SGSM2: variants seen among roughly 807,000 people sequenced by gnomAD.
The protein encoded by SGSM2 is small G protein signaling modulator 2.
Under a neutral mutation model 126.6 loss-of-function variants are expected in SGSM2, and 89 were observed. The ratio of observed to expected loss-of-function variants is 0.70; its 90% CI spans 0.59 to 0.84. SGSM2 has a LOEUF of 0.84. Ranked by LOEUF, SGSM2 falls within the 40% of genes least tolerant of loss-of-function variation. SGSM2 has a pLI of 0.00. For synonymous variants in SGSM2, 614 were observed against 574.3 expected (o/e 1.07, Z -0.99); for missense variants, 1,404 against 1,416.6 (o/e 0.99, Z 0.14).
intron 23 of SGSM2, 49 bp from the exon 24 acceptor site, chr17:2,379,383 T>C: frequency 1.9e-6 from 3 of 1,584,746 alleles, no homozygotes; most frequent in Non-Finnish European, 2.6e-6. Flanking sequence ...CCTCCTAGCC[T>C]GCTGCCCTTT....
At chr17:2,377,698 C>T (rs566973174) in intron 21 of SGSM2, 159 bp from the exon 22 acceptor site, 9 of 531,490 alleles carry the variant, frequency 1.7e-5, no homozygotes, top group Admixed American at 1.7e-4. Context: ...CAAGGAGATC[C>T]GAGGGGGAGA....
rs1346097422 is a variant in SGSM2 at position 2,372,973 on chromosome 17, G to A, written c.1809G>A (p.Leu603=). Residue 603 remains leucine, a synonymous_variant, in exon 16 of 24, where the codon CTG becomes CTA. Coordinates refer to ENST00000268989, the MANE Select transcript of SGSM2 (RefSeq NM_014853.3). This position sits in a 1 kb window ranked among gnomAD's most constrained non-coding sequence, Gnocchi z 6.0. ...CTCAGAACTACAAAGAGCTGGAGCT[G>A]CTGCGGCAAGTTTACTACGGAGGCA... ...KDKKNYKELE[L]LRQVYYGGIE... 1 of 1,572,888 alleles carries A rather than the reference G, an allele frequency of 6.4e-7. No individual in the cohort carries two copies. The highest frequency in any genetic ancestry group is 2.3e-5 in the East Asian group (1 of 42,648).
rs1281610549 is a variant in SGSM2, at chr17:2,367,400, T to A, written c.1418T>A (p.Met473Lys). The change falls in exon 12 of 24, where the codon ATG becomes AAG. Residue 473 changes from methionine (M) to lysine (K), a missense_variant. Transcript: ENST00000268989. This position sits in a 1 kb window ranked among gnomAD's most constrained non-coding sequence, Gnocchi z 4.0. The stretch of plus-strand genomic sequence containing the variant: ...CGGAACCTCACAGCTCCCAATCCGA[T>A]GAAAGGTTCTTATCCCTCCCTCTCC... ...CSRNLTAPNP[M>K]KDAGDMIEMQ... 11 of 1,613,524 alleles carry A rather than the reference T, an allele frequency of 6.8e-6. No homozygotes were observed. The highest frequency in any genetic ancestry group is 9.3e-6 in the Non-Finnish European group (11 of 1,179,794).
In SGSM2 at chr17:2,371,406, T is replaced by A; in HGVS notation, c.1568T>A (p.Ile523Asn). 6.3e-7 allele frequency: 1 copy of A among 1,599,978 alleles called. No homozygotes were observed. Among genetic ancestry groups the A allele is most frequent in the Non-Finnish European group, 8.5e-7 (1 of 1,172,668 alleles). The change falls in exon 13 of 24, where the codon ATC becomes AAC. Residue 523 changes from isoleucine to asparagine, a missense_variant. By Grantham distance (149) the Ile-to-Asn change is moderately radical. Transcript: ENST00000268989. ...GCAACCCCCAGCCACTGTAGCTGCATCCCCGACCGGTGAGTGGGCAGCGCT... is the reference window on the plus strand; with the variant it reads ...GCAACCCCCAGCCACTGTAGCTGCAACCCCGACCGGTGAGTGGGCAGCGCT... ...PHATPSHCSC[I>N]PDRLPLRLLC...
chr17:2,338,582 C>T (rs539633605), intron 1 of SGSM2, among the ~76,000 whole-genome samples: 2 of 152,132 alleles, frequency 1.3e-5, no homozygotes, highest in Admixed American at 1.3e-4. Context: ...GTAAACTCCA[C>T]CAGGGCAGGA....
intron 1 of SGSM2, among the ~76,000 whole-genome samples, chr17:2,342,745 G>GAAC (rs71815157): frequency 1.7e-5 from 1 of 57,484 alleles, no homozygotes; most frequent in African/African-American, 5.8e-5. Context: ...TGGGAGGCCG[G>GAAC]GCGGGTGGAT....
At position 2,345,412 on chromosome 17, in the gene SGSM2, C is replaced by T. The variant is rs75081678; in HGVS notation, c.133+1792C>T. On this transcript the variant is annotated intron_variant, in intron 2 of 23. Coordinates refer to ENST00000268989, the MANE Select transcript of SGSM2 (RefSeq NM_014853.3). Reference sequence around the variant, plus strand: ...GAGATCGAGACCATCCTGGCTAACACGGTGAAACCCCGTCTCTACTAAAAA... The same window carrying T: ...GAGATCGAGACCATCCTGGCTAACATGGTGAAACCCCGTCTCTACTAAAAA... 1.2e-3 allele frequency among the ~76,000 whole-genome samples: 185 copies of T among 149,728 alleles called. 1 individual carries two copies. In the East Asian group the frequency reaches 0.021, roughly 17 times the overall value.
intron 2 of SGSM2, among the ~76,000 whole-genome samples, chr17:2,352,775 T>C (rs9903124): frequency 0.099 from 4,004 of 40,328 alleles, 274 homozygotes; most frequent in East Asian, 0.27. Flanking sequence ...TTCTTTTTTT[T>C]TTTTTTTTTT....
chr17:2,368,168 C>T (rs149140170), intron 12 of SGSM2, among the ~76,000 whole-genome samples: 12 of 152,172 alleles, frequency 7.9e-5, no homozygotes, highest in African/African-American at 2.9e-4. Context: ...TCAGGGTCCA[C>T]GAATGGAGAG....
At position 2,372,668 on chromosome 17, in the gene SGSM2, G is replaced by A; in HGVS notation, c.1788+180G>A. 1 of 946,652 alleles carries A rather than the reference G, an allele frequency of 1.1e-6. No homozygotes were observed. Among genetic ancestry groups the A allele is most frequent in the Non-Finnish European group, 1.6e-6 (1 of 628,284 alleles). The allele number at this position is 946,652 out of a possible 1,614,324, so 58.6% of individuals were successfully genotyped here. On this transcript the variant is annotated intron_variant, in intron 15 of 23. Transcript: ENST00000268989. This position sits in a 1 kb window ranked among gnomAD's most constrained non-coding sequence, Gnocchi z 6.0. ...CTGGGGCTGACACGGGAAGGGGGCT[G>A]GACTGGGAAGCCGTCCTGCCTCCAC...
At chr17:2,352,809 GCT>G (rs1314344538) in intron 2 of SGSM2, among the ~76,000 whole-genome samples, 1 of 98,302 alleles carries the variant, frequency 1.0e-5, no homozygotes, top group African/African-American at 4.4e-5. Flanking sequence ...ACGGAGTCTC[GCT>G]CTGTCGCCCA....
chr17:2,353,732 G>GT (rs1436097109), intron 2 of SGSM2, among the ~76,000 whole-genome samples: 18 of 151,604 alleles, frequency 1.2e-4, no homozygotes, highest in Admixed American at 9.2e-4. Flanking sequence ...GCCCACTGCA[G>GT]TCCAGCCTGG....
Position 2,375,547 on chromosome 17 carries a change from C to T in SGSM2, c.2156C>T (p.Ser719Phe). The T allele has an allele frequency of 6.2e-7, 1 of 1,613,662 alleles. No individual in the cohort carries two copies. The highest frequency in any genetic ancestry group is 8.5e-7 in the Non-Finnish European group (1 of 1,179,950). The change falls in exon 18 of 24, where the codon TCC becomes TTC. Residue 719 changes from serine to phenylalanine, a missense_variant. Transcript: ENST00000268989. ...CCGGAGCCCCAGGACCCTGAAGATT[C>T]CAGACCAAAACCTGAGCAGGAAGCA... ...EPPEPQDPEDSRPKPEQEAGP... is the reference protein window; with the variant it reads ...EPPEPQDPEDFRPKPEQEAGP...
At position 2,373,318 on chromosome 17, in the gene SGSM2, G is replaced by C. The variant is rs2065969166; in HGVS notation, c.1918-13G>C. The C allele has an allele frequency of 6.2e-7, 1 of 1,608,008 alleles. No individual in the cohort carries two copies. Among genetic ancestry groups the C allele is most frequent in the African/African-American group, 1.3e-5 (1 of 74,908 alleles). On this transcript the variant is annotated splice_polypyrimidine_tract_variant and intron_variant, in intron 16 of 23. Transcript: ENST00000268989. ...CACGCTTCCCCCATGGTCGTGGTGT[G>C]GTCTGAGTACAGGTGGACGCAGTGG...
chr17:2,373,745 C>T, intron 17 of SGSM2: 1 of 529,734 alleles, frequency 1.9e-6, no homozygotes, highest in Non-Finnish European at 3.4e-6. Context: ...TCAGTTTTAG[C>T]CAACTATAGG....
At chr17:2,379,331 A>C (rs1567855848) in intron 23 of SGSM2, 101 bp from the exon 24 acceptor site, 1 of 1,564,956 alleles carries the variant, frequency 6.4e-7, no homozygotes, top group Non-Finnish European at 8.7e-7. Flanking sequence ...GGATGTCAAG[A>C]ATCTAGCAGA....
chr17:2,376,211 C>G lies in SGSM2; in HGVS notation c.2559C>G (p.Tyr853Ter). ...DKDVQRCDRNYWYFTPPNLER... is the reference protein window; with the variant it reads ...DKDVQRCDRN ...ATGTGCAGAGGTGTGACCGCAACTA[C>G]TGGTACTTCACGCCCCCCAACCTCG... is the stretch of plus-strand genomic sequence containing the variant. Residue 853 changes from tyrosine (Y) to a stop codon, truncating the protein, a stop_gained, in exon 19 of 24, where the codon TAC (tyrosine) becomes TAG (stop). Coordinates refer to ENST00000268989, the MANE Select transcript of SGSM2 (RefSeq NM_014853.3). LOFTEE classifies it high-confidence loss of function. 1 of 1,614,086 alleles carries G rather than the reference C, an allele frequency of 6.2e-7. No individual in the cohort carries two copies.
At chr17:2,365,194 C>G (rs1229760088) in intron 10 of SGSM2, 21 bp from the exon 11 acceptor site, 5 of 1,602,730 alleles carry the variant, frequency 3.1e-6, no homozygotes, top group Non-Finnish European at 8.5e-7. Context: ...ACAGCCCGAC[C>G]ACCTACCCCT....
At chr17:2,350,113 G>C (rs2064786984) in intron 2 of SGSM2, among the ~76,000 whole-genome samples, 1 of 151,652 alleles carries the variant, frequency 6.6e-6, no homozygotes, top group Admixed American at 6.6e-5. Context: ...GTAGAGATGG[G>C]ATTTCACCAT....
Sources: allele counts gnomAD v4.1 joint callset (sites outside exome capture counted in the v4.1 genomes callset), GRCh38; gene constraint gnomAD v4.1.1; non-coding constraint Gnocchi (gnomAD v3.1); transcripts MANE v1.5; gene names NCBI Gene and HGNC (gene_info 2026-07-23, HGNC 2026-07-21).